The following NT5C3A variants were observed in gnomAD, a reference collection of about 807,000 sequenced individuals.
NT5C3A encodes 5'-nucleotidase, cytosolic IIIA, also known as cytosolic 5'-nucleotidase 3A.
NT5C3A carries 23 observed loss-of-function variants against 40.0 expected under a neutral mutation model. The ratio of observed to expected loss-of-function variants is 0.58; its 90% CI spans 0.41 to 0.81. The LOEUF is 0.81. Among genes scored for constraint, NT5C3A ranks in the 40% least tolerant of loss-of-function variants. The pLI is 0.00. For synonymous variants in NT5C3A, 130 were observed against 141.4 expected (o/e 0.92, Z 0.57); for missense variants, 328 against 403.0 (o/e 0.81, Z 1.59).
chr7:33,058,642 C>T (rs976474340), intron 1 of NT5C3A, among the ~76,000 whole-genome samples: 4 of 152,192 alleles, frequency 2.6e-5, no homozygotes, highest in Non-Finnish European at 5.9e-5. Context: ...GGAGCCGCCG[C>T]GCCTGGCCCA....
At chr7:33,045,816 T>C (rs889127040) in intron 1 of NT5C3A, 1 of 152,186 alleles carries the variant, frequency 6.6e-6, no homozygotes, top group Non-Finnish European at 1.5e-5. Flanking sequence ...GGTCTCATTA[T>C]GTTGCCCAGG....
In NT5C3A at chr7:33,058,337, ATTTTT is replaced by A. The variant is rs1256589623; in HGVS notation, c.138+4226_138+4230del. Among the ~76,000 whole-genome samples, 7 of 138,822 alleles carry A rather than the reference ATTTTT, an allele frequency of 5.0e-5. No individual in the cohort carries two copies. The East Asian group carries it at 1.2e-3, about 24-fold the overall frequency. 91.1% of individuals were successfully genotyped at this position (138,822 alleles called of 152,430 possible). On this transcript the variant is annotated intron_variant, in intron 1 of 8. Coordinates refer to ENST00000610140, the MANE Select transcript of NT5C3A (RefSeq NM_001002010.5). ...TCAGTATGAATAGTACACTTTTATT[ATTTTT>A]TTATTTTATTTTATTTTATTTTGAG...
At chr7:33,052,099 T>C (rs1475937552) in intron 1 of NT5C3A, among the ~76,000 whole-genome samples, 2 of 152,188 alleles carry the variant, frequency 1.3e-5, no homozygotes, top group East Asian at 1.9e-4. Context: ...TAATTTCCAA[T>C]GACATAAGGA....
Position 33,028,021 on chromosome 7 carries a change from C to T in NT5C3A, c.139-1106G>A, listed in dbSNP as rs1346677240. Among the ~76,000 whole-genome samples the T allele has an allele frequency of 2.6e-5, 4 of 152,184 alleles. No homozygotes were observed. The East Asian group carries it at 7.7e-4, about 29-fold the overall frequency. On this transcript the variant is annotated intron_variant, in intron 1 of 8. Coordinates refer to ENST00000610140, the MANE Select transcript of NT5C3A (RefSeq NM_001002010.5). ...AGTTTGTCTTTGTATAATTAAAATACATTTAAAATATTTTAAATTTGAAAA... is the reference window on the plus strand; with the variant it reads ...AGTTTGTCTTTGTATAATTAAAATATATTTAAAATATTTTAAATTTGAAAA...
intron 1 of NT5C3A, among the ~76,000 whole-genome samples, chr7:33,055,004 T>A (rs1317924466): frequency 6.6e-6 from 1 of 152,274 alleles, no homozygotes; most frequent in East Asian, 1.9e-4. Flanking sequence ...CAAGTGTGAA[T>A]GAATATATCT....
At chr7:33,041,280 TA>T (rs1414537572) in intron 1 of NT5C3A, 6 of 294,686 alleles carry the variant, frequency 2.0e-5, no homozygotes, top group African/African-American at 1.4e-4. Context: ...AATACAAAGT[TA>T]AAAAGATTAG....
Position 33,014,903 on chromosome 7 carries a change from T to C in NT5C3A, c.895-72A>G, listed in dbSNP as rs1366967393. Reference sequence around the variant, plus strand: ...ACAAATAATTTCAGTATGAATCTCGTTGTTAGATCTCTTGGGCAAAATGCA... The same window carrying C: ...ACAAATAATTTCAGTATGAATCTCGCTGTTAGATCTCTTGGGCAAAATGCA... On this transcript the variant is annotated intron_variant, in intron 8 of 8. Coordinates refer to ENST00000610140, the MANE Select transcript of NT5C3A (RefSeq NM_001002010.5). The C allele has an allele frequency of 4.6e-6, 6 of 1,293,404 alleles. No homozygotes were observed. The East Asian group carries it at 1.4e-4, about 30-fold the overall frequency. The allele number at this position is 1,293,404 out of a possible 1,614,324, so 80.1% of individuals were successfully genotyped here. A position where few individuals can be genotyped will look rare whatever the true frequency, so the allele number is the denominator to read the frequency against.
At chr7:33,037,961 C>G (rs1786701353) in intron 1 of NT5C3A, among the ~76,000 whole-genome samples, 1 of 152,014 alleles carries the variant, frequency 6.6e-6, no homozygotes. Flanking sequence ...CTTGGTCTAA[C>G]TTTTTTCTGT....
chr7:33,037,632 C>G (rs1356404948), intron 1 of NT5C3A, among the ~76,000 whole-genome samples: 2 of 152,106 alleles, frequency 1.3e-5, no homozygotes, highest in Non-Finnish European at 1.5e-5. Flanking sequence ...CTTTTTCTCC[C>G]TCTCTCAGAA....
At chr7:33,057,502 A>G (rs921247181) in intron 1 of NT5C3A, among the ~76,000 whole-genome samples, 2 of 152,180 alleles carry the variant, frequency 1.3e-5, no homozygotes, top group African/African-American at 4.8e-5. Context: ...AGCCTGGGTG[A>G]TCGAGTGAGA....
At chr7:33,024,397 C>G (rs989231552) in intron 2 of NT5C3A, among the ~76,000 whole-genome samples, 1 of 152,174 alleles carries the variant, frequency 6.6e-6, no homozygotes, top group African/African-American at 2.4e-5. Flanking sequence ...ATGCTGTCAT[C>G]TGCAGCAACA....
At chr7:33,027,176 C>A in intron 1 of NT5C3A, 1 of 396,072 alleles carries the variant, frequency 2.5e-6, no homozygotes, top group South Asian at 2.3e-5. Flanking sequence ...CTCAAATGAT[C>A]CTCCCATCTC....
At chr7:33,039,068 A>G (rs932015703) in intron 1 of NT5C3A, among the ~76,000 whole-genome samples, 1 of 152,158 alleles carries the variant, frequency 6.6e-6, no homozygotes, top group East Asian at 1.9e-4. Flanking sequence ...GTTCTTTACA[A>G]GGAATATGTA....
In NT5C3A at chr7:33,062,753, G is replaced by A. The variant is rs575550454; in HGVS notation, c.-48C>T. On this transcript the variant is annotated 5_prime_UTR_variant, in exon 1 of 9. Coordinates refer to ENST00000610140, the MANE Select transcript of NT5C3A (RefSeq NM_001002010.5). Reference sequence around the variant, plus strand: ...CAAGCAGGAAAAAAACAGGCAGCTCGCGTAGACTGCGAGTCTCGGAAGCGC... The same window carrying A: ...CAAGCAGGAAAAAAACAGGCAGCTCACGTAGACTGCGAGTCTCGGAAGCGC... 933 of 1,548,684 alleles carry A rather than the reference G, an allele frequency of 6.0e-4. 18 individuals carry two copies. In the South Asian group the frequency reaches 0.01, roughly 17 times the overall value.
intron 1 of NT5C3A, among the ~76,000 whole-genome samples, chr7:33,053,181 CTGTTTT>C (rs1191627622): frequency 2.6e-5 from 4 of 152,062 alleles, no homozygotes; most frequent in African/African-American, 4.8e-5. Context: ...AAGACACTGT[CTGTTTT>C]TGTTTTTGTT....
intron 1 of NT5C3A, among the ~76,000 whole-genome samples, chr7:33,053,683 T>TGAAAGAAA (rs557024957): frequency 1.3e-5 from 2 of 151,468 alleles, no homozygotes; most frequent in South Asian, 2.1e-4. Flanking sequence ...AATAAATGAC[T>TGAAAGAAA]GAAAGAAAGA....
At chr7:33,014,875 G>T in intron 8 of NT5C3A, 44 bp from the exon 9 acceptor site, 1 of 1,511,986 alleles carries the variant, frequency 6.6e-7, no homozygotes, top group South Asian at 1.1e-5. Flanking sequence ...GCAGGGCAAA[G>T]AAACAAATAA....
intron 1 of NT5C3A, among the ~76,000 whole-genome samples, chr7:33,046,422 C>G (rs1384101644): frequency 6.6e-6 from 1 of 151,922 alleles, no homozygotes; most frequent in East Asian, 1.9e-4. Flanking sequence ...GCCTGTAGCC[C>G]CAACTTCTCA....
chr7:33,028,618 C>T (rs1786076282), intron 1 of NT5C3A, among the ~76,000 whole-genome samples: 1 of 152,032 alleles, frequency 6.6e-6, no homozygotes, highest in Admixed American at 6.6e-5. Context: ...TACAAAAATT[C>T]CCTGGACCTT....
Sources: allele counts gnomAD v4.1 joint callset (sites outside exome capture counted in the v4.1 genomes callset), GRCh38; gene constraint gnomAD v4.1.1; transcripts MANE v1.5; gene names NCBI Gene and HGNC (gene_info 2026-07-23, HGNC 2026-07-21).